TMEM163: variants seen among roughly 807,000 people sequenced by gnomAD.
TMEM163 encodes transmembrane protein 163.
In TMEM163, 17 loss-of-function variants were observed where a neutral mutation model predicts 29.3. The ratio of observed to expected loss-of-function variants is 0.58; its 90% CI spans 0.40 to 0.87. The LOEUF (loss-of-function observed/expected upper bound fraction) is 0.87. TMEM163 is among the 40% of genes least tolerant of loss of function. The pLI is 0.00. For synonymous variants in TMEM163, 157 were observed against 160.6 expected (o/e 0.98, Z 0.17); for missense variants, 303 against 381.5 (o/e 0.79, Z 1.71).
chr2:134,532,817 C>CT (rs1680443961), intron 4 of TMEM163, among the ~76,000 whole-genome samples: 1 of 152,144 alleles, frequency 6.6e-6, no homozygotes, highest in Admixed American at 6.5e-5. Context: ...CCTCATTGTT[C>CT]TATGCATTTG....
At chr2:134,672,441 C>T (rs1389320647) in intron 2 of TMEM163, among the ~76,000 whole-genome samples, 1 of 152,196 alleles carries the variant, frequency 6.6e-6, no homozygotes, top group Non-Finnish European at 1.5e-5. Context: ...CAGGGTCTCA[C>T]TCTGTTGCCC....
At chr2:134,716,838 C>T (rs980544778) in intron 1 of TMEM163, among the ~76,000 whole-genome samples, 18 of 152,216 alleles carry the variant, frequency 1.2e-4, no homozygotes, top group South Asian at 2.1e-4. Flanking sequence ...ATACTGGTTG[C>T]CATCAGGAAG....
chr2:134,713,835 A>G (rs1684981649), intron 1 of TMEM163, among the ~76,000 whole-genome samples: 1 of 152,292 alleles, frequency 6.6e-6, no homozygotes, highest in South Asian at 2.1e-4. Flanking sequence ...TGCTCCCCCA[A>G]CAATCAGGAG....
intron 4 of TMEM163, among the ~76,000 whole-genome samples, chr2:134,519,539 G>A (rs1046748993): frequency 1.1e-4 from 16 of 151,992 alleles, no homozygotes; most frequent in Admixed American, 2.0e-4. Flanking sequence ...GTGAAACCCC[G>A]TCTCTACCAA....
chr2:134,484,611 G>A (rs546868932), intron 5 of TMEM163, among the ~76,000 whole-genome samples: 78 of 152,334 alleles, frequency 5.1e-4, no homozygotes, highest in African/African-American at 1.8e-3. Context: ...ATATATCCAT[G>A]TATTAGGAAG....
intron 5 of TMEM163, chr2:134,469,280 G>A (rs1329806641): frequency 6.6e-6 from 1 of 152,106 alleles, no homozygotes; most frequent in South Asian, 2.1e-4. Flanking sequence ...GGAGGGCCCC[G>A]AGGTCCAGCT....
At chr2:134,527,190 T>C (rs1680314329) in intron 4 of TMEM163, among the ~76,000 whole-genome samples, 1 of 152,220 alleles carries the variant, frequency 6.6e-6, no homozygotes, top group Non-Finnish European at 1.5e-5. Context: ...ATATCATGTC[T>C]CTTCCATCTC....
At chr2:134,480,729 A>T (rs1466333136) in intron 5 of TMEM163, among the ~76,000 whole-genome samples, 4 of 152,202 alleles carry the variant, frequency 2.6e-5, no homozygotes, top group Non-Finnish European at 5.9e-5. Context: ...AAAAGGAGTT[A>T]GGCAAGGAGA....
intron 2 of TMEM163, among the ~76,000 whole-genome samples, chr2:134,572,669 G>C (rs1681460023): frequency 6.6e-6 from 1 of 152,132 alleles, no homozygotes; most frequent in Admixed American, 6.5e-5. Context: ...CACTTGGCTT[G>C]ATGTCACGTG....
intron 2 of TMEM163, among the ~76,000 whole-genome samples, chr2:134,567,299 C>A (rs189384404): frequency 6.6e-6 from 1 of 152,120 alleles, no homozygotes; most frequent in African/African-American, 2.4e-5. Flanking sequence ...GCTCGTGCAG[C>A]GAGAGATTTA....
intron 5 of TMEM163, among the ~76,000 whole-genome samples, chr2:134,502,572 C>G (rs1679720962): frequency 6.6e-6 from 1 of 152,164 alleles, no homozygotes; most frequent in Admixed American, 6.5e-5. Flanking sequence ...ACAACAGATG[C>G]AAACAACACA....
At chr2:134,587,742 A>G (rs2104799792) in intron 2 of TMEM163, among the ~76,000 whole-genome samples, 1 of 152,378 alleles carries the variant, frequency 6.6e-6, no homozygotes, top group East Asian at 1.9e-4. Context: ...GATGCAGTTT[A>G]TCCACACAAT....
At chr2:134,569,826 A>G (rs1305251477) in intron 2 of TMEM163, among the ~76,000 whole-genome samples, 1 of 152,212 alleles carries the variant, frequency 6.6e-6, no homozygotes, top group Non-Finnish European at 1.5e-5. Flanking sequence ...TAGAAAATTC[A>G]ATAACTAAAT....
intron 2 of TMEM163, among the ~76,000 whole-genome samples, chr2:134,583,888 C>T (rs1451048118): frequency 6.6e-6 from 1 of 152,182 alleles, no homozygotes; most frequent in Non-Finnish European, 1.5e-5. Flanking sequence ...GAACGCATAA[C>T]TGCTATTCCT....
chr2:134,713,054 T>C (rs1684959733), intron 2 of TMEM163, 146 bp downstream of exon 2: 1 of 1,230,158 alleles, frequency 8.1e-7, no homozygotes, highest in Non-Finnish European at 1.1e-6. Flanking sequence ...TTTTGACTAA[T>C]TTATCAGTAC....
At chr2:134,686,966 C>T (rs1684363832) in intron 2 of TMEM163, among the ~76,000 whole-genome samples, 2 of 152,170 alleles carry the variant, frequency 1.3e-5, no homozygotes, top group African/African-American at 2.4e-5. Context: ...GGAGAGGAAC[C>T]CAAGCTTAGG....
chr2:134,487,625 C>T (rs1030319501), intron 5 of TMEM163, among the ~76,000 whole-genome samples: 22 of 152,094 alleles, frequency 1.4e-4, no homozygotes, highest in African/African-American at 5.3e-4. Flanking sequence ...AAGATGGTGA[C>T]CAAACATTAA....
chr2:134,456,905 G>A, intron 7 of TMEM163, 129 bp from the exon 8 acceptor site: 1 of 923,788 alleles, frequency 1.1e-6, no homozygotes, highest in Non-Finnish European at 1.7e-6. Flanking sequence ...TGGCTCGGTG[G>A]TTTTTAGTAT....
At chr2:134,649,053 C>A (rs528829439) in intron 2 of TMEM163, among the ~76,000 whole-genome samples, 1 of 152,238 alleles carries the variant, frequency 6.6e-6, no homozygotes, top group South Asian at 2.1e-4. Flanking sequence ...AATTCTCAGA[C>A]CTGCGACATA....
Sources: allele counts gnomAD v4.1 joint callset (sites outside exome capture counted in the v4.1 genomes callset), GRCh38; gene constraint gnomAD v4.1.1; transcripts MANE v1.5; gene names NCBI Gene and HGNC (gene_info 2026-07-23, HGNC 2026-07-21).